Variants in RIPOR3 observed in about 807,000 individuals in gnomAD.
RIPOR3 encodes the protein RIPOR family member 3, also known as family with sequence similarity 65 member C.
A neutral mutation model predicts 114.3 loss-of-function variants in RIPOR3; 95 were observed. The ratio of observed to expected loss-of-function variants is 0.83; its 90% CI spans 0.70 to 0.99. The LOEUF (loss-of-function observed/expected upper bound fraction) is 0.99. Ranked by LOEUF, RIPOR3 falls within the 50% of genes least tolerant of loss-of-function variation. The pLI, the probability that RIPOR3 is intolerant of heterozygous loss-of-function variation, is 0.00. For synonymous variants in RIPOR3, 575 were observed against 543.8 expected (o/e 1.06, Z -0.80); for missense variants, 1,252 against 1,266.9 (o/e 0.99, Z 0.18).
At chr20:50,601,767 T>C (rs541614813) in intron 13 of RIPOR3, among the ~76,000 whole-genome samples, 1 of 152,242 alleles carries the variant, frequency 6.6e-6, no homozygotes, top group Non-Finnish European at 1.5e-5. Context: ...CAAGTTTGGG[T>C]TTGTAGCCAC....
Position 50,609,714 on chromosome 20 carries a change from C to T in RIPOR3, c.435G>A (p.Glu145=), listed in dbSNP as rs759743594. 72 of 1,373,918 alleles carry T rather than the reference C, an allele frequency of 5.2e-5. No homozygotes were observed. Among genetic ancestry groups the T allele is most frequent in the Non-Finnish European group, 6.8e-5 (72 of 1,061,596 alleles). The allele number at this position is 1,373,918 out of a possible 1,614,324, so 85.1% of individuals were successfully genotyped here. Reference sequence around the variant, plus strand: ...ACTGGATGCAGTAGTCCTCGTACAGCTCATCCACCTGTGGTGGGCACACGG... The same window carrying T: ...ACTGGATGCAGTAGTCCTCGTACAGTTCATCCACCTGTGGTGGGCACACGG... ...KMEFHISKVD[E]LYEDYCIQCR... is the part of the protein sequence containing the mutation. Residue 145 remains glutamate (E), a synonymous_variant, in exon 7 of 22, where the codon GAG becomes GAA. Coordinates refer to ENST00000327979, the MANE Select transcript of RIPOR3 (RefSeq NM_001290268.2).
intron 2 of RIPOR3, chr20:50,620,850 G>T (rs1181419526): frequency 1.3e-6 from 1 of 782,110 alleles, no homozygotes; most frequent in Non-Finnish European, 2.2e-6. Context: ...CGCTGCAGTG[G>T]GTGTCTGACC....
intron 1 of RIPOR3, among the ~76,000 whole-genome samples, chr20:50,638,335 A>G (rs2123306521): frequency 6.6e-6 from 1 of 152,334 alleles, no homozygotes; most frequent in South Asian, 2.1e-4. Flanking sequence ...CAGAATAGTC[A>G]ACAGCAGGCA....
intron 1 of RIPOR3, chr20:50,645,767 T>TG (rs2085379371): frequency 6.6e-6 from 1 of 152,130 alleles, no homozygotes; most frequent in Non-Finnish European, 1.5e-5. Context: ...CAGCCGGCCT[T>TG]GGGACTCCCG....
intron 1 of RIPOR3, among the ~76,000 whole-genome samples, chr20:50,656,512 G>A (rs189706996): frequency 2.6e-5 from 4 of 152,104 alleles, no homozygotes; most frequent in Admixed American, 6.5e-5. Context: ...ACAGTATAGC[G>A]TATACAGTTT....
intron 1 of RIPOR3, among the ~76,000 whole-genome samples, chr20:50,640,908 CTTTTTTTTTTTT>C (rs1331789312): frequency 7.4e-6 from 1 of 134,504 alleles, no homozygotes; most frequent in Non-Finnish European, 1.6e-5. Flanking sequence ...ATATGCACTT[CTTTTTTTTTTTT>C]TTTTTTGAGA....
At chr20:50,664,626 G>A (rs957214445) in intron 1 of RIPOR3, among the ~76,000 whole-genome samples, 2 of 152,136 alleles carry the variant, frequency 1.3e-5, no homozygotes, top group Admixed American at 1.3e-4. Flanking sequence ...TCAGAGCTGC[G>A]CATTTTTATC....
chr20:50,617,297 A>G (rs975830577), intron 3 of RIPOR3, among the ~76,000 whole-genome samples: 3 of 152,038 alleles, frequency 2.0e-5, no homozygotes, highest in African/African-American at 7.2e-5. Context: ...CCAGACTGCT[A>G]CTCACTGAGG....
Position 50,627,235 on chromosome 20 carries a change from T to C in RIPOR3, c.122+3503A>G, listed in dbSNP as rs138745895. On this transcript the variant is annotated intron_variant, in intron 2 of 21. Transcript: ENST00000327979. ...TCTATTTGGTGCCAGGCACAGTGGCTCACACCTGTAATCCCAGCATTCTGG... is the reference window on the plus strand; with the variant it reads ...TCTATTTGGTGCCAGGCACAGTGGCCCACACCTGTAATCCCAGCATTCTGG... Among the ~76,000 whole-genome samples the C allele has an allele frequency of 7.6e-3, 1,148 of 151,336 alleles. 9 individuals are homozygous for C. Among genetic ancestry groups the C allele is most frequent in the Non-Finnish European group, 0.011 (754 of 67,874 alleles).
At chr20:50,611,750 T>A (rs2083986963) in intron 4 of RIPOR3, among the ~76,000 whole-genome samples, 1 of 152,090 alleles carries the variant, frequency 6.6e-6, no homozygotes, top group African/African-American at 2.4e-5. Context: ...AGGCAAACCT[T>A]TCTATAGGTT....
At chr20:50,664,162 G>A (rs1966232) in intron 1 of RIPOR3, among the ~76,000 whole-genome samples, 2,534 of 152,238 alleles carry the variant, frequency 0.017, 82 homozygotes, top group African/African-American at 0.056. Context: ...CCTGGCTTCA[G>A]GTGATCCACC....
chr20:50,589,084 G>GAAAAA (rs529410533), intron 20 of RIPOR3, among the ~76,000 whole-genome samples: 41 of 89,544 alleles, frequency 4.6e-4, no homozygotes, highest in African/African-American at 1.2e-3. Context: ...TCCATCTCAA[G>GAAAAA]AAAAAAAAAA....
At chr20:50,658,301 A>G (rs2085884209) in intron 1 of RIPOR3, among the ~76,000 whole-genome samples, 2 of 152,250 alleles carry the variant, frequency 1.3e-5, no homozygotes, top group African/African-American at 2.4e-5. Context: ...ATACGACAAC[A>G]TGGATGAACC....
At chr20:50,674,884 A>G (rs1410656718) in intron 1 of RIPOR3, among the ~76,000 whole-genome samples, 1 of 151,972 alleles carries the variant, frequency 6.6e-6, no homozygotes, top group African/African-American at 2.4e-5. Context: ...GGAGTTCAAG[A>G]CCGGCCTGGG....
At chr20:50,685,460 G>T (rs185782037) in intron 1 of RIPOR3, among the ~76,000 whole-genome samples, 258 of 149,604 alleles carry the variant, frequency 1.7e-3, no homozygotes, top group Admixed American at 4.7e-3. Flanking sequence ...CGTGATCCAC[G>T]TGCCTCGGCC....
chr20:50,650,813 T>G (rs2085575468), intron 1 of RIPOR3, among the ~76,000 whole-genome samples: 1 of 152,132 alleles, frequency 6.6e-6, no homozygotes, highest in Non-Finnish European at 1.5e-5. Context: ...ACGCTCGACT[T>G]CTCTAACCCG....
chr20:50,598,766 G>A (rs2083391019), intron 13 of RIPOR3, among the ~76,000 whole-genome samples: 1 of 151,894 alleles, frequency 6.6e-6, no homozygotes, highest in African/African-American at 2.4e-5. Context: ...TTAGCCGGGT[G>A]TGGTGGCACA....
chr20:50,639,593 T>G (rs1362604606), intron 1 of RIPOR3, among the ~76,000 whole-genome samples: 1 of 152,094 alleles, frequency 6.6e-6, no homozygotes, highest in Non-Finnish European at 1.5e-5. Context: ...AAAATCCAGG[T>G]GCAGTGGCAC....
At chr20:50,671,977 G>A (rs1343474693) in intron 1 of RIPOR3, among the ~76,000 whole-genome samples, 2 of 144,834 alleles carry the variant, frequency 1.4e-5, no homozygotes, top group East Asian at 4.2e-4. Flanking sequence ...TAGGTGGATG[G>A]GTGCGTGGAT....
Sources: gnomAD v4.1 joint callset for allele counts (sites outside exome capture counted in the v4.1 genomes callset) on GRCh38, gnomAD v4.1.1 for gene constraint, MANE v1.5 for transcripts, NCBI Gene and HGNC (gene_info 2026-07-23, HGNC 2026-07-21) for gene names.